DPYD: variants seen among roughly 807,000 people sequenced by gnomAD.
The protein encoded by DPYD is dihydropyrimidine dehydrogenase [NADP(+)].
DPYD carries 109 observed loss-of-function variants against 116.2 expected under a neutral mutation model. The ratio of observed to expected loss-of-function variants is 0.94; its 90% CI spans 0.80 to 1.10. The LOEUF is 1.10. DPYD is among the 50% of genes least tolerant of loss of function. The pLI, the probability that DPYD is intolerant of heterozygous loss-of-function variation, is 0.00. For synonymous variants in DPYD, 440 were observed against 432.0 expected (o/e 1.02, Z -0.23); for missense variants, 1,302 against 1,254.5 (o/e 1.04, Z -0.57).
chr1:97,337,157 T>C (rs1326877730), intron 16 of DPYD, among the ~76,000 whole-genome samples: 1 of 152,074 alleles, frequency 6.6e-6, no homozygotes, highest in Admixed American at 6.5e-5. Context: ...TTATCATGCA[T>C]GTAGGAGAAT....
intron 18 of DPYD, chr1:97,296,265 AAAGAG>A (rs1383244184): frequency 2.6e-5 from 4 of 152,186 alleles, no homozygotes; most frequent in Non-Finnish European, 5.9e-5. Context: ...AATAAAATAG[AAAGAG>A]CAAGTCATCA....
At chr1:97,704,523 A>T (rs1249150832) in intron 5 of DPYD, among the ~76,000 whole-genome samples, 1 of 152,014 alleles carries the variant, frequency 6.6e-6, no homozygotes, top group East Asian at 1.9e-4. Flanking sequence ...AAATACGAAG[A>T]ATATTTTTCA....
chr1:97,458,216 C>A (rs1232994598), intron 13 of DPYD, among the ~76,000 whole-genome samples: 1 of 152,030 alleles, frequency 6.6e-6, no homozygotes, highest in African/African-American at 2.4e-5. Flanking sequence ...TTTTTAAAAT[C>A]TTTACTTTTA....
At chr1:97,285,602 A>G (rs1188645786) in intron 18 of DPYD, among the ~76,000 whole-genome samples, 1 of 152,164 alleles carries the variant, frequency 6.6e-6, no homozygotes, top group Non-Finnish European at 1.5e-5. Flanking sequence ...CCATATGTGA[A>G]GTTCACTAAA....
At chr1:97,461,993 C>T (rs1677059827) in intron 13 of DPYD, among the ~76,000 whole-genome samples, 1 of 152,188 alleles carries the variant, frequency 6.6e-6, no homozygotes, top group African/African-American at 2.4e-5. Flanking sequence ...TGTCTGTGTC[C>T]TCTCAATTTT....
intron 20 of DPYD, among the ~76,000 whole-genome samples, chr1:97,166,393 C>T (rs6593633): frequency 0.52 from 79,082 of 151,588 alleles, 21,436 homozygotes; most frequent in East Asian, 0.7. Context: ...AAGAAGGGAA[C>T]AGACACACTG....
At chr1:97,286,537 C>T (rs1182872472) in intron 18 of DPYD, among the ~76,000 whole-genome samples, 1 of 151,882 alleles carries the variant, frequency 6.6e-6, no homozygotes, top group Non-Finnish European at 1.5e-5. Flanking sequence ...TTCCATTCTC[C>T]CCGTCACTTT....
intron 8 of DPYD, among the ~76,000 whole-genome samples, chr1:97,643,545 G>A (rs1658059609): frequency 6.6e-6 from 1 of 152,100 alleles, no homozygotes; most frequent in South Asian, 2.1e-4. Flanking sequence ...CAAGTATCAA[G>A]AACTGGAAAT....
At chr1:97,668,161 T>G (rs1659663637) in intron 8 of DPYD, among the ~76,000 whole-genome samples, 1 of 152,188 alleles carries the variant, frequency 6.6e-6, no homozygotes, top group African/African-American at 2.4e-5. Flanking sequence ...TATTTTATGC[T>G]ATGTGTACTT....
chr1:97,203,397 G>C (rs1299733806), intron 19 of DPYD, among the ~76,000 whole-genome samples: 2 of 147,104 alleles, frequency 1.4e-5, no homozygotes, highest in Non-Finnish European at 3.0e-5. Flanking sequence ...ATACCAGATA[G>C]AGTTTGATCA....
chr1:97,181,655 G>GAAAAAAA (rs1396613676), intron 20 of DPYD, among the ~76,000 whole-genome samples: 1 of 152,098 alleles, frequency 6.6e-6, no homozygotes, highest in Non-Finnish European at 1.5e-5. Context: ...AGTACCATCT[G>GAAAAAAA]AAAAATCTGC....
chr1:97,846,969 G>A (rs74525187), intron 2 of DPYD, among the ~76,000 whole-genome samples: 8,575 of 152,210 alleles, frequency 0.056, 314 homozygotes, highest in South Asian at 0.1. Flanking sequence ...AAACCATAAA[G>A]TGGAGGGAGG....
intron 8 of DPYD, among the ~76,000 whole-genome samples, chr1:97,611,146 T>C (rs1655920100): frequency 6.6e-6 from 1 of 152,088 alleles, no homozygotes; most frequent in Non-Finnish European, 1.5e-5. Flanking sequence ...TGGGAAGGCC[T>C]CACAATCATG....
chr1:97,708,910 AC>A (rs964253400), intron 5 of DPYD, among the ~76,000 whole-genome samples: 33 of 152,024 alleles, frequency 2.2e-4, no homozygotes, highest in African/African-American at 7.7e-4. Context: ...TAAATGGTAT[AC>A]TTTTAATTTC....
At chr1:97,799,022 G>C (rs1333717) in intron 3 of DPYD, among the ~76,000 whole-genome samples, 2 of 151,704 alleles carry the variant, frequency 1.3e-5, no homozygotes, top group South Asian at 4.1e-4. Context: ...TAGACATTAC[G>C]TCTCTACTTG....
chr1:97,513,346 G>T (rs1002512314), intron 13 of DPYD, among the ~76,000 whole-genome samples: 1 of 151,698 alleles, frequency 6.6e-6, no homozygotes, highest in African/African-American at 2.4e-5. Context: ...AGTAGGACAG[G>T]ATAATAAAAT....
intron 8 of DPYD, among the ~76,000 whole-genome samples, chr1:97,635,115 C>T (rs989907511): frequency 4.6e-5 from 7 of 152,094 alleles, no homozygotes; most frequent in Admixed American, 2.6e-4. Flanking sequence ...GGCACTGCCT[C>T]AGGCCCAGGC....
chr1:97,294,255 A>G (rs1184425006), intron 18 of DPYD, among the ~76,000 whole-genome samples: 2 of 152,178 alleles, frequency 1.3e-5, no homozygotes, highest in African/African-American at 2.4e-5. Context: ...CCATATCATG[A>G]CAGATATGTG....
intron 20 of DPYD, among the ~76,000 whole-genome samples, chr1:97,155,646 C>G (rs967669231): frequency 3.3e-5 from 5 of 152,114 alleles, no homozygotes; most frequent in Admixed American, 6.6e-5. Flanking sequence ...ATTATTATTT[C>G]ACAGATTCAT....
Sources: allele counts gnomAD v4.1 joint callset (sites outside exome capture counted in the v4.1 genomes callset), GRCh38; gene constraint gnomAD v4.1.1; transcripts MANE v1.5; gene names NCBI Gene and HGNC (gene_info 2026-07-23, HGNC 2026-07-21).